COL21A1: variants seen among roughly 807,000 people sequenced by gnomAD.
COL21A1 encodes the protein collagen alpha-1(XXI) chain.
Under a neutral mutation model 137.9 loss-of-function variants are expected in COL21A1, and 149 were observed. The ratio of observed to expected loss-of-function variants is 1.08; its 90% confidence interval spans 0.95 to 1.24. The LOEUF is 1.24. COL21A1 is among the 50% of genes most tolerant of loss of function. COL21A1 has a pLI of 0.00. For missense variants in COL21A1, 1,167 were observed against 1,158.4 expected, an observed-to-expected ratio of 1.01 and a Z score of -0.11; for synonymous variants, 456 against 391.5, an observed-to-expected ratio of 1.16 and a Z score of -1.95.
intron 1 of COL21A1, among the ~76,000 whole-genome samples, chr6:56,208,056 G>A (rs758578437): frequency 2.6e-5 from 4 of 152,116 alleles, no homozygotes; most frequent in Admixed American, 6.6e-5. Flanking sequence ...AGCTATTTAT[G>A]ACAAACCCAC....
chr6:56,377,813 G>C (rs541826650), intron 1 of COL21A1, among the ~76,000 whole-genome samples: 2 of 152,056 alleles, frequency 1.3e-5, no homozygotes, highest in Non-Finnish European at 2.9e-5. Context: ...AAAGAGATAT[G>C]TTCCTTCCAC....
At chr6:56,159,343 T>C (rs1395198944) in intron 9 of COL21A1, among the ~76,000 whole-genome samples, 1 of 151,210 alleles carries the variant, frequency 6.6e-6, no homozygotes, top group Non-Finnish European at 1.5e-5. Flanking sequence ...CATTTTTTTT[T>C]TTTTTTTGAG....
intron 1 of COL21A1, among the ~76,000 whole-genome samples, chr6:56,334,623 T>C (rs1375991160): frequency 6.6e-6 from 1 of 152,194 alleles, no homozygotes; most frequent in Non-Finnish European, 1.5e-5. Flanking sequence ...CAGTAAATTA[T>C]AGGATCTGTT....
At chr6:56,109,192 A>C (rs1771204845) in intron 16 of COL21A1, among the ~76,000 whole-genome samples, 1 of 151,708 alleles carries the variant, frequency 6.6e-6, no homozygotes, top group African/African-American at 2.4e-5. Context: ...GAATAAAGAA[A>C]TAAAATAGGA....
chr6:56,271,838 G>C (rs1161314070), intron 1 of COL21A1, among the ~76,000 whole-genome samples: 1 of 152,266 alleles, frequency 6.6e-6, no homozygotes, highest in Non-Finnish European at 1.5e-5. Flanking sequence ...TTGCTTCAGA[G>C]GGTGCAAGCC....
intron 10 of COL21A1, among the ~76,000 whole-genome samples, chr6:56,151,652 A>G (rs1178927357): frequency 6.6e-6 from 1 of 152,200 alleles, no homozygotes; most frequent in East Asian, 1.9e-4. Context: ...GCCTGGTTAT[A>G]ATGTGTGAAA....
At chr6:56,123,909 A>G (rs1362721406) in intron 16 of COL21A1, among the ~76,000 whole-genome samples, 153 bp downstream of exon 16, 1 of 152,220 alleles carries the variant, frequency 6.6e-6, no homozygotes, top group African/African-American at 2.4e-5. Context: ...ATTCAGTAGC[A>G]TTTTTAAATT....
At chr6:56,371,399 C>T (rs1057437163) in intron 1 of COL21A1, among the ~76,000 whole-genome samples, 2 of 152,156 alleles carry the variant, frequency 1.3e-5, no homozygotes, top group African/African-American at 4.8e-5. Flanking sequence ...ATTCTGATGA[C>T]CAATGCTTTA....
chr6:56,125,100 A>C (rs1772929693), intron 14 of COL21A1, among the ~76,000 whole-genome samples: 1 of 136,686 alleles, frequency 7.3e-6, no homozygotes, highest in East Asian at 2.1e-4. Context: ...GGCTCTCTGC[A>C]ACCTCCGCCT....
chr6:56,115,307 A>G (rs1333750319), intron 16 of COL21A1, among the ~76,000 whole-genome samples: 2 of 152,222 alleles, frequency 1.3e-5, no homozygotes, highest in East Asian at 1.9e-4. Flanking sequence ...TAAAGAAAAA[A>G]AAAAAAAAGA....
chr6:56,229,682 G>A (rs1231770705), intron 1 of COL21A1, among the ~76,000 whole-genome samples: 1 of 151,896 alleles, frequency 6.6e-6, no homozygotes, highest in Non-Finnish European at 1.5e-5. Flanking sequence ...CATTTTCCAA[G>A]GTAAGGGTAA....
intron 16 of COL21A1, among the ~76,000 whole-genome samples, chr6:56,115,160 G>A (rs1204158882): frequency 8.0e-6 from 1 of 125,722 alleles, no homozygotes; most frequent in African/African-American, 3.0e-5. Flanking sequence ...GTGGGGTGGG[G>A]GGAGGGATAG....
At chr6:56,066,647 G>C (rs1230556546) in intron 23 of COL21A1, among the ~76,000 whole-genome samples, 3 of 151,734 alleles carry the variant, frequency 2.0e-5, no homozygotes, top group African/African-American at 7.3e-5. Context: ...CATTGACTCA[G>C]CTAGTGGCAT....
chr6:56,147,728 A>G, intron 10 of COL21A1, among the ~76,000 whole-genome samples: 1 of 152,152 alleles, frequency 6.6e-6, no homozygotes, highest in East Asian at 1.9e-4. Flanking sequence ...TATTTAAGTG[A>G]CATGTGAGAT....
chr6:56,220,853 C>A (rs765566299), intron 1 of COL21A1, among the ~76,000 whole-genome samples: 2 of 152,098 alleles, frequency 1.3e-5, no homozygotes, highest in Non-Finnish European at 2.9e-5. Flanking sequence ...CTCAATTTTA[C>A]AAGAGCACAG....
chr6:56,181,034 T>C (rs1430817404), intron 2 of COL21A1, among the ~76,000 whole-genome samples: 1 of 152,236 alleles, frequency 6.6e-6, no homozygotes, highest in East Asian at 1.9e-4. Flanking sequence ...TCATAAAACC[T>C]TTCCTGACCT....
intron 29 of COL21A1, among the ~76,000 whole-genome samples, chr6:56,058,808 G>A (rs1334789674): frequency 6.6e-6 from 1 of 152,068 alleles, no homozygotes; most frequent in East Asian, 1.9e-4. Flanking sequence ...GAGTTAAACT[G>A]CACAGCTAGC....
Position 56,340,723 on chromosome 6 carries a change from C to T in COL21A1, c.-39+53248G>A, listed in dbSNP as rs562765501. Among the ~76,000 whole-genome samples, 3 of 152,214 alleles carry T rather than the reference C, an allele frequency of 2.0e-5. No individual in the cohort carries two copies. In the East Asian group the frequency reaches 5.8e-4, roughly 29 times the overall value. On this transcript the variant is annotated intron_variant, in intron 1 of 28. Transcript: ENST00000370819. ...CTTCCTAACAATGAACGACGTTTTC[C>T]AATATTTTTCTCACACTGGAGTCAT...
chr6:56,179,453 TGTAAC>T (rs1382810222), intron 3 of COL21A1, 120 bp downstream of exon 3: 5 of 689,430 alleles, frequency 7.3e-6, no homozygotes, highest in Non-Finnish European at 1.2e-5. Flanking sequence ...TTATAAATGT[TGTAAC>T]ATTATAATTG....
Sources: gnomAD v4.1 joint callset for allele counts (sites outside exome capture counted in the v4.1 genomes callset) on GRCh38, gnomAD v4.1.1 for gene constraint, MANE v1.5 for transcripts, NCBI Gene and HGNC (gene_info 2026-07-23, HGNC 2026-07-21) for gene names.